The following CAMTA1 variants were observed in gnomAD, a reference collection of about 807,000 sequenced individuals.
CAMTA1 encodes the protein calmodulin-binding transcription activator 1.
A neutral mutation model predicts 170.9 loss-of-function variants in CAMTA1; 27 were observed. The ratio of observed to expected loss-of-function variants is 0.16; its 90% CI spans 0.12 to 0.22. The LOEUF (loss-of-function observed/expected upper bound fraction) is 0.22, where lower values mean the gene tolerates loss of function less well. CAMTA1 is among the 10% of genes least tolerant of loss of function. The pLI is 1.00. For missense variants in CAMTA1, 1,619 were observed against 2,217.2 expected, an observed-to-expected ratio of 0.73 and a Z score of 5.42; for synonymous variants, 833 against 891.5, an observed-to-expected ratio of 0.93 and a Z score of 1.17.
At position 7,665,530 on chromosome 1, in the gene CAMTA1, G is replaced by A. The variant is rs775836268; in HGVS notation, c.2652+331G>A. On this transcript the variant is annotated intron_variant, in intron 9 of 22. Transcript: ENST00000303635. This position sits in a 1 kb window ranked among gnomAD's most constrained non-coding sequence, Gnocchi z 4.3. ...GGAGTTCCAAACCAACCTGGGCAACGTAGTGAGAACTGGTTTCAACAAAAT... is the reference window on the plus strand; with the variant it reads ...GGAGTTCCAAACCAACCTGGGCAACATAGTGAGAACTGGTTTCAACAAAAT... Among the ~76,000 whole-genome samples the A allele has an allele frequency of 2.6e-5, 4 of 152,076 alleles. No homozygotes were observed. Among genetic ancestry groups the A allele is most frequent in the Non-Finnish European group, 5.9e-5 (4 of 68,014 alleles).
intron 11 of CAMTA1, among the ~76,000 whole-genome samples, chr1:7,707,910 C>T (rs1383158492): frequency 6.6e-6 from 1 of 152,174 alleles, no homozygotes; most frequent in East Asian, 1.9e-4. Flanking sequence ...TATGTGACTA[C>T]ATTTGGCTTA....
At chr1:7,656,708 C>T (rs9434881) in intron 7 of CAMTA1, among the ~76,000 whole-genome samples, 110,143 of 152,250 alleles carry the variant, frequency 0.72, 40,091 homozygotes, top group East Asian at 0.92. Context: ...GTGAAGCCCC[C>T]ACGCCTTCCC....
At chr1:7,637,916 A>G (rs1246823319) in intron 6 of CAMTA1, among the ~76,000 whole-genome samples, 1 of 152,236 alleles carries the variant, frequency 6.6e-6, no homozygotes, top group Non-Finnish European at 1.5e-5. Context: ...ATTAAGGAGC[A>G]TGATTACCGC....
chr1:7,399,979 G>A (rs947458065), intron 5 of CAMTA1, among the ~76,000 whole-genome samples: 1 of 152,122 alleles, frequency 6.6e-6, no homozygotes, highest in Admixed American at 6.6e-5. Flanking sequence ...CCTGTTTGAG[G>A]TCTTTTGAGC....
At position 7,588,784 on chromosome 1, in the gene CAMTA1, C is replaced by T. The variant is rs2095332063; in HGVS notation, c.511-51616C>T. ...AGGAGATTCACCCAAAGGGAAGTGA[C>T]GGGGCAATTTATCATATCAATAAAC... is the stretch of plus-strand genomic sequence containing the variant. On this transcript the variant is annotated intron_variant, in intron 6 of 22. Coordinates refer to ENST00000303635, the MANE Select transcript of CAMTA1 (RefSeq NM_015215.4). The surrounding 1 kb of genome is among the most constrained non-coding windows in gnomAD (Gnocchi z 5.8). Among the ~76,000 whole-genome samples the T allele has an allele frequency of 6.6e-6, 1 of 152,308 alleles. No homozygotes were observed. The highest frequency in any genetic ancestry group is 1.9e-4 in the East Asian group (1 of 5,180).
At chr1:6,922,916 GAGGATC>G (rs1682332633) in intron 3 of CAMTA1, among the ~76,000 whole-genome samples, 1 of 152,154 alleles carries the variant, frequency 6.6e-6, no homozygotes, top group Non-Finnish European at 1.5e-5. Flanking sequence ...GAGTCTGCTG[GAGGATC>G]ACTCCGGTGA....
chr1:7,022,705 C>T (rs184279506), intron 3 of CAMTA1, among the ~76,000 whole-genome samples: 15 of 152,232 alleles, frequency 9.9e-5, no homozygotes, highest in Non-Finnish European at 1.6e-4. Flanking sequence ...TAGGGCTTAA[C>T]GTGTTCTTGG....
intron 3 of CAMTA1, among the ~76,000 whole-genome samples, chr1:7,088,997 C>T (rs1041395263): frequency 6.6e-6 from 1 of 152,204 alleles, no homozygotes; most frequent in African/African-American, 2.4e-5. Flanking sequence ...GCACGTGGTG[C>T]TGTCCGGGGT....
At chr1:7,285,283 T>C (rs1672194491) in intron 5 of CAMTA1, among the ~76,000 whole-genome samples, 1 of 152,212 alleles carries the variant, frequency 6.6e-6, no homozygotes, top group Non-Finnish European at 1.5e-5. Flanking sequence ...CCTTGTCAGG[T>C]AATTACACCC....
At chr1:7,375,912 G>C (rs1046112699) in intron 5 of CAMTA1, among the ~76,000 whole-genome samples, 2 of 152,220 alleles carry the variant, frequency 1.3e-5, no homozygotes, top group African/African-American at 4.8e-5. Flanking sequence ...CTGTAGGACA[G>C]GAAGCAGCGG....
chr1:6,914,847 C>T (rs1680457908), intron 3 of CAMTA1, among the ~76,000 whole-genome samples: 2 of 152,222 alleles, frequency 1.3e-5, no homozygotes, highest in African/African-American at 2.4e-5. Flanking sequence ...ACGTTTTTGT[C>T]TCCATCTGAC....
chr1:6,928,757 G>C (rs568796880), intron 3 of CAMTA1, among the ~76,000 whole-genome samples: 2 of 152,162 alleles, frequency 1.3e-5, no homozygotes, highest in Non-Finnish European at 2.9e-5. Flanking sequence ...TCATTTTCCA[G>C]GTCTCACTTT....
intron 3 of CAMTA1, among the ~76,000 whole-genome samples, chr1:6,848,979 A>G (rs1193325310): frequency 6.6e-6 from 1 of 152,198 alleles, no homozygotes; most frequent in Admixed American, 6.5e-5. Context: ...TTGTCTTCTC[A>G]TCTCAGATGA....
chr1:7,638,579 T>G (rs913130731), intron 6 of CAMTA1, among the ~76,000 whole-genome samples: 9 of 151,286 alleles, frequency 5.9e-5, no homozygotes, highest in Non-Finnish European at 1.0e-4. Context: ...GAGGTGGAGG[T>G]TGCAGTGAGC....
chr1:7,227,266 C>T (rs1034735626), intron 4 of CAMTA1, among the ~76,000 whole-genome samples: 1 of 152,168 alleles, frequency 6.6e-6, no homozygotes, highest in Admixed American at 6.5e-5. Flanking sequence ...GGACACCAAC[C>T]CCATTTATAA....
chr1:7,640,965 G>A (rs1332261163), intron 7 of CAMTA1, among the ~76,000 whole-genome samples: 1 of 152,210 alleles, frequency 6.6e-6, no homozygotes, highest in Non-Finnish European at 1.5e-5. Context: ...TGGGATCTGG[G>A]CTTAGCCACC....
intron 3 of CAMTA1, chr1:6,834,661 A>G: frequency 6.4e-6 from 1 of 156,984 alleles, no homozygotes; most frequent in Non-Finnish European, 1.4e-5. Flanking sequence ...TTTTTGAGAC[A>G]GAGTCGTGCT....
chr1:7,320,698 A>T (rs1377543296), intron 5 of CAMTA1, among the ~76,000 whole-genome samples: 2 of 125,580 alleles, frequency 1.6e-5, no homozygotes, highest in Non-Finnish European at 3.2e-5. Flanking sequence ...GCATGGTGAG[A>T]GGGATAATTT....
chr1:7,078,552 C>T (rs1639616208), intron 3 of CAMTA1, among the ~76,000 whole-genome samples: 2 of 152,262 alleles, frequency 1.3e-5, no homozygotes, highest in South Asian at 2.1e-4. Flanking sequence ...CTGGCTATGT[C>T]CTTCATTGAA....
Sources: gnomAD v4.1 joint callset for allele counts (sites outside exome capture counted in the v4.1 genomes callset) on GRCh38, gnomAD v4.1.1 for gene constraint, Gnocchi (gnomAD v3.1) non-coding constraint, MANE v1.5 for transcripts, NCBI Gene and HGNC (gene_info 2026-07-23, HGNC 2026-07-21) for gene names.